The following POSTN variants were observed in gnomAD, a reference collection of about 807,000 sequenced individuals.
The protein encoded by POSTN is periostin.
A neutral mutation model predicts 104.5 loss-of-function variants in POSTN; 71 were observed. The observed-to-expected ratio is 0.68, with a 90% confidence interval of 0.56 to 0.83. POSTN has a LOEUF of 0.83. Ranked by LOEUF, POSTN falls within the 40% of genes least tolerant of loss-of-function variation. POSTN has a pLI of 0.00. For synonymous variants in POSTN, 355 were observed against 340.7 expected, an observed-to-expected ratio of 1.04 and a Z score of -0.46; for missense variants, 949 against 1,006.8, an observed-to-expected ratio of 0.94 and a Z score of 0.78.
At chr13:37,572,331 C>T (rs9547961) in intron 17 of POSTN, among the ~76,000 whole-genome samples, 102,534 of 151,052 alleles carry the variant, frequency 0.68, 34,997 homozygotes, top group East Asian at 0.84. Context: ...ATTACCAAAA[C>T]GAAACCAGCC....
At chr13:37,591,293 T>TA (rs1317718520) in intron 3 of POSTN, among the ~76,000 whole-genome samples, 4 of 152,058 alleles carry the variant, frequency 2.6e-5, no homozygotes, top group South Asian at 2.1e-4. Context: ...ATAGTGTATG[T>TA]AAAAAAAACT....
At chr13:37,587,560 A>G (rs1035661915) in intron 5 of POSTN, among the ~76,000 whole-genome samples, 2 of 152,152 alleles carry the variant, frequency 1.3e-5, no homozygotes, top group African/African-American at 4.8e-5. Flanking sequence ...CAAACATATC[A>G]ACTACTAAAA....
In POSTN at chr13:37,584,783, G is replaced by T; in HGVS notation, c.1041C>A (p.Asn347Lys). The change falls in exon 8 of 23, where the codon AAC becomes AAA. Residue 347 changes from asparagine to lysine, a missense_variant. Asn to Lys is a moderately conservative substitution (Grantham distance 94). Transcript: ENST00000379747. ...SITVNGIKMV[N>K]KKDIVTNNGV... ...CATTATTTGTCACAATATCCTTTTT[G>T]TTCACCATTTTGATTCCATTTACTG... The T allele has an allele frequency of 6.2e-7, 1 of 1,613,838 alleles. No homozygotes were observed.
rs2138289603 is a variant in POSTN at position 37,582,512 on chromosome 13, C to T, written c.1246G>A (p.Asp416Asn). ...AGGCGCTGATCCATGCTGAGAGTATCATCTGTAAATAAATTCATTAAGAAA... is the reference window on the plus strand; with the variant it reads ...AGGCGCTGATCCATGCTGAGAGTATTATCTGTAAATAAATTCATTAAGAAA... ...LAPVNNAFSD[D>N]TLSMDQRLLK... Residue 416 changes from aspartate (D) to asparagine (N), a missense_variant and splice_region_variant, in exon 10 of 23, where the codon GAT (aspartate) becomes AAT (asparagine). By Grantham distance (23) the Asp-to-Asn change is conservative. Transcript: ENST00000379747. 1 of 1,593,864 alleles carries T rather than the reference C, an allele frequency of 6.3e-7. No homozygotes were observed. Among genetic ancestry groups the T allele is most frequent in the South Asian group, 1.1e-5 (1 of 87,210 alleles).
chr13:37,579,799 CT>C lies in POSTN; in HGVS notation c.1660+61del. On this transcript the variant is annotated intron_variant, in intron 12 of 22. Transcript: ENST00000379747. Reference sequence around the variant, plus strand: ...TAAGGCAGACATCTGGACAGGAAAGCTTGAGAAAGAAGTGAGATCCTGAAAT... The same window carrying C: ...TAAGGCAGACATCTGGACAGGAAAGCTGAGAAAGAAGTGAGATCCTGAAAT... 5.1e-6 allele frequency: 8 copies of C among 1,553,992 alleles called. 1 individual carries two copies. The South Asian group carries it at 9.7e-5, about 19-fold the overall frequency.
At chr13:37,563,415 A>T (rs1254501651) in intron 22 of POSTN, 45 bp from the exon 23 acceptor site, 2 of 1,315,544 alleles carry the variant, frequency 1.5e-6, no homozygotes, top group Non-Finnish European at 2.1e-6. Flanking sequence ...AATGTTAGGA[A>T]ATTTTAAAAT....
chr13:37,581,660 G>T (rs1266854458), intron 10 of POSTN, among the ~76,000 whole-genome samples: 3 of 152,038 alleles, frequency 2.0e-5, no homozygotes, highest in African/African-American at 4.8e-5. Flanking sequence ...GGAGTTTAAG[G>T]TTACAGTGAG....
At chr13:37,586,301 T>C (rs752955466) in intron 6 of POSTN, 21 bp from the exon 7 acceptor site, 1 of 1,601,608 alleles carries the variant, frequency 6.2e-7, no homozygotes, top group Non-Finnish European at 8.5e-7. Context: ...AATGTGCTTT[T>C]CAGAGACTTT....
chr13:37,578,527 G>A (rs1950480317), intron 15 of POSTN, among the ~76,000 whole-genome samples: 1 of 152,068 alleles, frequency 6.6e-6, no homozygotes, highest in African/African-American at 2.4e-5. Flanking sequence ...GCTAGGCGCG[G>A]TGGCTCACGC....
At chr13:37,582,894 A>C (rs1221056361) in intron 9 of POSTN, among the ~76,000 whole-genome samples, 1 of 152,218 alleles carries the variant, frequency 6.6e-6, no homozygotes, top group African/African-American at 2.4e-5. Flanking sequence ...TTTGTAAATT[A>C]ATCTTGATTA....
chr13:37,565,441 C>T (rs1452065289), intron 21 of POSTN: 2 of 151,742 alleles, frequency 1.3e-5, no homozygotes, highest in Non-Finnish European at 2.9e-5. Context: ...TTATATGTAT[C>T]ATCTATACTC....
Position 37,563,367 on chromosome 13 carries a change from G to T in POSTN, c.2477C>A (p.Ser826Tyr). 2 of 1,578,676 alleles carry T rather than the reference G, an allele frequency of 1.3e-6. No individual in the cohort carries two copies. Among genetic ancestry groups the T allele is most frequent in the African/African-American group, 1.4e-5 (1 of 74,018 alleles). ...KLQANKKVQG[S>Y]RRRLREGRSQ ...ACGACCTTCCCTTAATCGTCTTCTAGATCCTAATTAGAAAGAAAGGAGAAT... is the reference window on the plus strand; with the variant it reads ...ACGACCTTCCCTTAATCGTCTTCTATATCCTAATTAGAAAGAAAGGAGAAT... Residue 826 changes from serine (S) to tyrosine (Y), a missense_variant, in exon 23 of 23, where the codon TCT becomes TAT. Ser to Tyr is a moderately radical substitution (Grantham distance 144, BLOSUM62 -2). Coordinates refer to ENST00000379747, the MANE Select transcript of POSTN (RefSeq NM_006475.3).
Position 37,580,737 on chromosome 13 carries a change from G to C in POSTN, c.1393-40C>G, listed in dbSNP as rs772053156. The C allele has an allele frequency of 8.7e-6, 14 of 1,612,288 alleles. No homozygotes were observed. The African/African-American group carries it at 1.5e-4, about 17-fold the overall frequency. ...AAAGGTATGGGGTGTCATTTTCCTT[G>C]CTTGAAATTTCCCGTATAGATGTAA... On this transcript the variant is annotated intron_variant, in intron 10 of 22. Coordinates refer to ENST00000379747, the MANE Select transcript of POSTN (RefSeq NM_006475.3).
At position 37,562,872 on chromosome 13, in the gene POSTN, AT is replaced by A. The variant is rs1168761434; in HGVS notation, c.*460del. 1.3e-5 allele frequency: 2 copies of A among 152,416 alleles called. No homozygotes were observed. The highest frequency in any genetic ancestry group is 2.9e-5 in the Non-Finnish European group (2 of 68,178). The allele number at this position is 152,416 out of a possible 1,614,324, so 9.4% of individuals were successfully genotyped here. Reference sequence around the variant, plus strand: ...ATAGAAATGTGCAAAGCCTTTTGATATAAAAAGTTTTGTACACCAAGCACCT... The same window carrying A: ...ATAGAAATGTGCAAAGCCTTTTGATAAAAAAGTTTTGTACACCAAGCACCT... On this transcript the variant is annotated 3_prime_UTR_variant, in exon 23 of 23. Transcript: ENST00000379747.
In POSTN at chr13:37,586,818, G is replaced by A; in HGVS notation, c.717C>T (p.Asp239=). The A allele has an allele frequency of 6.2e-7, 1 of 1,613,064 alleles. No individual in the cohort carries two copies. The highest frequency in any genetic ancestry group is 8.5e-7 in the Non-Finnish European group (1 of 1,179,276). The change falls in exon 6 of 23, where the codon GAC becomes GAT. Residue 239 remains aspartate, a synonymous_variant. Coordinates refer to ENST00000379747, the MANE Select transcript of POSTN (RefSeq NM_006475.3). The part of the protein sequence containing the change: ...VLTQIGTSIQ[D]FIEAEDDLSS... ...AAAGGTCATCTTCTGCTTCAATGAA[G>A]TCTTGAATTGAGGTACCAATTTGTG... is the stretch of plus-strand genomic sequence containing the variant.
At position 37,566,782 on chromosome 13, in the gene POSTN, C is replaced by T. The variant is rs552342823; in HGVS notation, c.2432-2222G>A. On this transcript the variant is annotated intron_variant, in intron 21 of 22. Transcript: ENST00000379747. ...TCAGAATGCATAATTCTAAGGTAAG[C>T]CCAAAAATTTTATGCATTTAATGAG... is the stretch of plus-strand genomic sequence containing the variant. Among the ~76,000 whole-genome samples the T allele has an allele frequency of 8.5e-4, 129 of 152,156 alleles. 1 individual carries two copies. The highest frequency in any genetic ancestry group is 2.9e-3 in the African/African-American group (122 of 41,522).
chr13:37,576,153 A>C, intron 16 of POSTN, among the ~76,000 whole-genome samples: 1 of 152,228 alleles, frequency 6.6e-6, no homozygotes, highest in East Asian at 1.9e-4. Flanking sequence ...TATACCAAAA[A>C]CAGCATCCTT....
intron 2 of POSTN, among the ~76,000 whole-genome samples, chr13:37,595,836 A>T: frequency 1.4e-5 from 2 of 145,278 alleles, no homozygotes; most frequent in African/African-American, 2.6e-5. Flanking sequence ...TTTGAGACAG[A>T]GTCTCACTCT....
At chr13:37,569,865 A>T in intron 19 of POSTN, 44 bp from the exon 20 acceptor site, 2 of 1,304,974 alleles carry the variant, frequency 1.5e-6, no homozygotes, top group Non-Finnish European at 2.2e-6. Flanking sequence ...GAAGTAGGCA[A>T]ACTTCTTCTG....
Sources: gnomAD v4.1 joint callset for allele counts (sites outside exome capture counted in the v4.1 genomes callset) on GRCh38, gnomAD v4.1.1 for gene constraint, MANE v1.5 for transcripts, NCBI Gene and HGNC (gene_info 2026-07-23, HGNC 2026-07-21) for gene names.